Variants in OPRM1 observed in about 807,000 individuals in gnomAD.
The protein encoded by OPRM1 is opioid receptor mu 1.
In OPRM1, 27 loss-of-function variants were observed where a neutral mutation model predicts 31.8. That is an observed-to-expected ratio of 0.85 (90% CI 0.63 to 1.17). The LOEUF (loss-of-function observed/expected upper bound fraction) is 1.17, where lower values mean the gene tolerates loss of function less well. Ranked by LOEUF, OPRM1 falls within the 50% of genes most tolerant of loss-of-function variation. The probability of loss-of-function intolerance (pLI) is 0.00; values close to 1 mark genes in which losing one functional copy is unlikely to be tolerated. For synonymous variants in OPRM1, 196 were observed against 189.9 expected, an observed-to-expected ratio of 1.03 and a Z score of -0.26; for missense variants, 536 against 511.1, an observed-to-expected ratio of 1.05 and a Z score of -0.47.
intron 1 of OPRM1, among the ~76,000 whole-genome samples, chr6:154,012,682 A>C (rs1180790206): frequency 1.3e-5 from 2 of 152,194 alleles, no homozygotes; most frequent in African/African-American, 4.8e-5. Flanking sequence ...TTTTCTAAAA[A>C]TGAATGAAAT....
At chr6:154,212,874 T>C in intron 3 of OPRM1, 1 of 1,543,900 alleles carries the variant, frequency 6.5e-7, no homozygotes, top group Non-Finnish European at 9.0e-7. Flanking sequence ...AAAATGAAAA[T>C]GCTTAATGTT....
intron 1 of OPRM1, 115 bp from the exon 2 acceptor site, chr6:154,089,711 T>C (rs1425202322): frequency 1.5e-6 from 1 of 685,398 alleles, no homozygotes; most frequent in Non-Finnish European, 2.4e-6. Flanking sequence ...AACAATTCTA[T>C]ATCTAATCTC....
At chr6:154,039,107 C>A (rs997941321), upstream of OPRM1, 28 of 1,501,144 alleles carry the variant, frequency 1.9e-5, no homozygotes, top group African/African-American at 2.8e-5. Flanking sequence ...TCACTGCTAC[C>A]AAAGACTAAC....
At chr6:154,101,562 G>A (rs1009143748) in intron 3 of OPRM1, among the ~76,000 whole-genome samples, 3 of 152,138 alleles carry the variant, frequency 2.0e-5, no homozygotes, top group Admixed American at 1.3e-4. Flanking sequence ...AAATATCAAC[G>A]TCTAAATCTC....
intron 3 of OPRM1, among the ~76,000 whole-genome samples, chr6:154,152,590 A>T (rs1313031961): frequency 6.6e-6 from 1 of 151,252 alleles, no homozygotes; most frequent in Non-Finnish European, 1.5e-5. Context: ...GGCCTAAATT[A>T]TCCTTTGCTT....
intron 3 of OPRM1, among the ~76,000 whole-genome samples, chr6:154,166,433 C>T (rs1799439718): frequency 6.6e-6 from 1 of 152,216 alleles, no homozygotes; most frequent in African/African-American, 2.4e-5. Context: ...CTGCTTCTCC[C>T]AACGTGGAAC....
chr6:154,162,898 T>G (rs980179576), intron 3 of OPRM1, among the ~76,000 whole-genome samples: 3 of 152,172 alleles, frequency 2.0e-5, no homozygotes, highest in African/African-American at 7.2e-5. Flanking sequence ...TTCCTCTTAT[T>G]CTCTACATCC....
rs1219599256 is a variant in OPRM1 at position 154,128,632 on chromosome 6, C to T, written c.*9911C>T. On this transcript the variant is annotated 3_prime_UTR_variant, in exon 4 of 4. Coordinates refer to ENST00000330432, the MANE Select transcript of OPRM1 (RefSeq NM_000914.5). ...GAGATCAATTTGGTTACTGTTTTAT[C>T]ATTGATCCTGAAGACAGTTGAAGCA... Among the ~76,000 whole-genome samples, 2 of 152,100 alleles carry T rather than the reference C, an allele frequency of 1.3e-5. No homozygotes were observed. The highest frequency in any genetic ancestry group is 2.9e-5 in the Non-Finnish European group (2 of 68,028).
intron 3 of OPRM1, among the ~76,000 whole-genome samples, chr6:154,204,300 C>T (rs1777309612): frequency 6.6e-6 from 1 of 152,114 alleles, no homozygotes. Context: ...CACCCAAACC[C>T]TGTAATTAGG....
chr6:154,134,880 A>C (rs1486440612), downstream of OPRM1, among the ~76,000 whole-genome samples: 1 of 152,206 alleles, frequency 6.6e-6, no homozygotes, highest in Non-Finnish European at 1.5e-5. Flanking sequence ...AATAGTAGTT[A>C]ACCCAGTTGT....
In OPRM1 at chr6:154,016,405, C is replaced by A. The variant is rs114317975; in HGVS notation, c.-1+5387C>A. Among the ~76,000 whole-genome samples, 1,178 of 152,042 alleles carry A rather than the reference C, an allele frequency of 7.7e-3. 21 individuals are homozygous for A. Among genetic ancestry groups the A allele is most frequent in the African/African-American group, 0.027 (1,124 of 41,484 alleles). On this transcript the variant is annotated intron_variant, in intron 1 of 5. Coordinates refer to the OPRM1 transcript ENST00000434900. ...GAGATAAAATTGTGTAGTGTGACAACAATTACCTAAGGATAGAAGAGAATA... is the reference window on the plus strand; with the variant it reads ...GAGATAAAATTGTGTAGTGTGACAAAAATTACCTAAGGATAGAAGAGAATA...
chr6:154,160,099 A>G (rs1168280953), intron 3 of OPRM1: 15 of 1,266,394 alleles, frequency 1.2e-5, no homozygotes, highest in Non-Finnish European at 1.7e-5. Context: ...ATTTACATAA[A>G]CCATCTTTAC....
downstream of OPRM1, among the ~76,000 whole-genome samples, chr6:154,132,765 G>A (rs1797956233): frequency 6.6e-6 from 1 of 152,182 alleles, no homozygotes; most frequent in African/African-American, 2.4e-5. Flanking sequence ...TTCAGAGCAT[G>A]CTCTGGGTTG....
chr6:154,165,335 C>T (rs1024251332), intron 3 of OPRM1, among the ~76,000 whole-genome samples: 6 of 152,304 alleles, frequency 3.9e-5, no homozygotes, highest in African/African-American at 1.4e-4. Context: ...ACTCTCTTGA[C>T]TGCTTTGAAT....
intron 3 of OPRM1, chr6:154,158,814 C>T (rs999297113): frequency 3.9e-5 from 6 of 152,106 alleles, no homozygotes; most frequent in African/African-American, 1.4e-4. Flanking sequence ...ATTTAAATAA[C>T]AAACATAGCT....
At chr6:154,092,752 G>A (rs1030240895) in intron 3 of OPRM1, among the ~76,000 whole-genome samples, 24 of 152,162 alleles carry the variant, frequency 1.6e-4, no homozygotes, top group Admixed American at 1.4e-3. Context: ...CGTCATGGGC[G>A]ACATTAATCC....
At chr6:154,066,657 G>T (rs543048071) in intron 1 of OPRM1, among the ~76,000 whole-genome samples, 15 of 151,754 alleles carry the variant, frequency 9.9e-5, no homozygotes, top group African/African-American at 3.6e-4. Flanking sequence ...AATGGAATTA[G>T]TAGTCTTATA....
chr6:154,124,157 C>T lies in OPRM1; in HGVS notation c.*5436C>T, dbSNP rs1010437938. 3.9e-5 allele frequency among the ~76,000 whole-genome samples: 6 copies of T among 152,138 alleles called. No homozygotes were observed. The highest frequency in any genetic ancestry group is 2.1e-4 in the South Asian group (1 of 4,820). ...TACTTTTGTAGCAAGGTACTTTCCACACAATATTGAATAAATGCAGTGTAT... is the reference window on the plus strand; with the variant it reads ...TACTTTTGTAGCAAGGTACTTTCCATACAATATTGAATAAATGCAGTGTAT... On this transcript the variant is annotated 3_prime_UTR_variant, in exon 4 of 4. Transcript: ENST00000330432.
intron 1 of OPRM1, among the ~76,000 whole-genome samples, chr6:154,056,583 G>A (rs1688439120): frequency 2.0e-5 from 3 of 151,768 alleles, no homozygotes; most frequent in South Asian, 4.2e-4. Context: ...GGATGCAGCA[G>A]AGAATGACAA....
Sources: allele counts gnomAD v4.1 joint callset (sites outside exome capture counted in the v4.1 genomes callset), GRCh38; gene constraint gnomAD v4.1.1; transcripts MANE v1.5; gene names NCBI Gene and HGNC (gene_info 2026-07-23, HGNC 2026-07-21).